Variants in TDRD3 observed in about 807,000 individuals in gnomAD.
TDRD3 encodes the protein tudor domain-containing protein 3.
Under a neutral mutation model 86.7 loss-of-function variants are expected in TDRD3, and 45 were observed. That is an observed-to-expected ratio of 0.52 (90% CI 0.41 to 0.67). The LOEUF is 0.67. Ranked by LOEUF, TDRD3 falls within the 30% of genes least tolerant of loss-of-function variation. TDRD3 has a pLI of 0.00. For missense variants in TDRD3, 814 were observed against 889.0 expected (o/e 0.92, Z 1.07); for synonymous variants, 298 against 301.7 (o/e 0.99, Z 0.13).
intron 13 of TDRD3, among the ~76,000 whole-genome samples, chr13:60,570,657 G>T (rs1958567512): frequency 6.6e-6 from 1 of 152,162 alleles, no homozygotes; most frequent in Non-Finnish European, 1.5e-5. Flanking sequence ...TGCCCTCATT[G>T]CTGGAAGGCA....
rs534680513 is a variant in TDRD3 at position 60,474,090 on chromosome 13, A to T, written c.495+6711A>T. 9.9e-5 allele frequency among the ~76,000 whole-genome samples: 15 copies of T among 152,276 alleles called. No homozygotes were observed. In the East Asian group the frequency reaches 2.7e-3, roughly 28 times the overall value. ...TCCGCTTTCATGTTCCACCCTGTACACCTGGCTCCACCTTTTAGATAGCAG... is the reference window on the plus strand; with the variant it reads ...TCCGCTTTCATGTTCCACCCTGTACTCCTGGCTCCACCTTTTAGATAGCAG... On this transcript the variant is annotated intron_variant, in intron 5 of 13. Coordinates refer to ENST00000377881, the MANE Select transcript of TDRD3 (RefSeq NM_001146070.2).
At chr13:60,524,134 G>C (rs1326787314) in intron 10 of TDRD3, among the ~76,000 whole-genome samples, 2 of 152,114 alleles carry the variant, frequency 1.3e-5, no homozygotes, top group African/African-American at 4.8e-5. Context: ...TCAAAAAGGG[G>C]AGGTGAGAAC....
chr13:60,458,399 G>C (rs1263179721), intron 3 of TDRD3, among the ~76,000 whole-genome samples: 1 of 152,202 alleles, frequency 6.6e-6, no homozygotes, highest in Admixed American at 6.5e-5. Context: ...GCAAACAAGA[G>C]AAGGTGTCAT....
intron 2 of TDRD3, among the ~76,000 whole-genome samples, chr13:60,443,909 A>T (rs552295827): frequency 1.3e-5 from 2 of 151,940 alleles, no homozygotes; most frequent in African/African-American, 4.8e-5. Context: ...GAGTACTGAC[A>T]GTTTTCCTGT....
At chr13:60,449,774 T>C (rs960816806) in intron 3 of TDRD3, among the ~76,000 whole-genome samples, 1 of 152,104 alleles carries the variant, frequency 6.6e-6, no homozygotes, top group Admixed American at 6.5e-5. Flanking sequence ...ATTTATAATT[T>C]AGAAAGTTTT....
At chr13:60,486,027 T>C (rs1005961440) in intron 7 of TDRD3, 79 bp downstream of exon 7, 1 of 1,384,454 alleles carries the variant, frequency 7.2e-7, no homozygotes, top group African/African-American at 1.5e-5. Flanking sequence ...TATTGTCTTT[T>C]CATATAAGCT....
At chr13:60,423,094 A>G (rs1954704402) in intron 1 of TDRD3, among the ~76,000 whole-genome samples, 1 of 152,234 alleles carries the variant, frequency 6.6e-6, no homozygotes, top group Non-Finnish European at 1.5e-5. Context: ...AGTAGCATCA[A>G]GCTTTTCAAA....
chr13:60,522,079 G>GA (rs764732004), intron 10 of TDRD3, among the ~76,000 whole-genome samples: 30 of 151,642 alleles, frequency 2.0e-4, no homozygotes, highest in Non-Finnish European at 3.5e-4. Flanking sequence ...TTTTAATATA[G>GA]AAAAAAATTA....
chr13:60,552,593 GC>G (rs1958090593), intron 12 of TDRD3, among the ~76,000 whole-genome samples: 1 of 152,226 alleles, frequency 6.6e-6, no homozygotes, highest in Non-Finnish European at 1.5e-5. Context: ...ACTAGGCAGT[GC>G]CCCAGTGGGG....
intron 11 of TDRD3, among the ~76,000 whole-genome samples, chr13:60,530,339 G>T (rs1957551837): frequency 6.6e-6 from 1 of 152,134 alleles, no homozygotes; most frequent in Non-Finnish European, 1.5e-5. Context: ...GGATGGTGTG[G>T]GGATGGAGAC....
At chr13:60,438,713 T>C (rs1955179677) in intron 1 of TDRD3, among the ~76,000 whole-genome samples, 1 of 152,156 alleles carries the variant, frequency 6.6e-6, no homozygotes, top group Admixed American at 6.6e-5. Context: ...TTGATAAGTA[T>C]CTTAGAATCA....
In TDRD3 at chr13:60,522,861, C is replaced by T. The variant is rs970634398; in HGVS notation, c.1142-5506C>T. ...ATACAGGTGATAAAATTGAAGGTAA[C>T]ATGTTGTTGGTTACATTCTGTTTTT... is the stretch of plus-strand genomic sequence containing the variant. On this transcript the variant is annotated intron_variant, in intron 10 of 13. Transcript: ENST00000377881. Among the ~76,000 whole-genome samples the T allele has an allele frequency of 4.6e-5, 7 of 152,186 alleles. No homozygotes were observed. In the East Asian group the frequency reaches 1.4e-3, roughly 29 times the overall value.
intron 4 of TDRD3, among the ~76,000 whole-genome samples, chr13:60,466,214 C>T (rs1019925448): frequency 2.0e-5 from 3 of 152,048 alleles, no homozygotes; most frequent in Non-Finnish European, 2.9e-5. Flanking sequence ...CACTATGGCT[C>T]ATATAGATGT....
At chr13:60,416,250 T>C (rs1321139217) in intron 1 of TDRD3, among the ~76,000 whole-genome samples, 1 of 152,206 alleles carries the variant, frequency 6.6e-6, no homozygotes, top group Non-Finnish European at 1.5e-5. Flanking sequence ...GTGGAAGTAC[T>C]CATAATATAG....
At chr13:60,460,351 G>A in intron 3 of TDRD3, 29 bp from the exon 4 acceptor site, 2 of 1,549,918 alleles carry the variant, frequency 1.3e-6, no homozygotes, top group Non-Finnish European at 1.7e-6. Flanking sequence ...TGACTAGAAA[G>A]TGATTTTTAT....
intron 3 of TDRD3, among the ~76,000 whole-genome samples, chr13:60,451,875 T>C (rs563198896): frequency 6.6e-6 from 1 of 152,282 alleles, no homozygotes; most frequent in Admixed American, 6.5e-5. Context: ...TGATTAAGAC[T>C]CTTAAAAATA....
At chr13:60,453,967 A>T (rs975075284) in intron 3 of TDRD3, among the ~76,000 whole-genome samples, 13 of 151,988 alleles carry the variant, frequency 8.6e-5, no homozygotes, top group Middle Eastern at 3.4e-3. Flanking sequence ...TGATTTAACT[A>T]TACTCCTATA....
At chr13:60,441,209 A>G (rs546663810) in intron 2 of TDRD3, among the ~76,000 whole-genome samples, 1 of 152,286 alleles carries the variant, frequency 6.6e-6, no homozygotes, top group Admixed American at 6.5e-5. Flanking sequence ...TAAAAATATT[A>G]TAAAGGACTC....
intron 12 of TDRD3, among the ~76,000 whole-genome samples, chr13:60,553,842 CAG>C (rs1455530038): frequency 2.0e-5 from 3 of 152,072 alleles, no homozygotes; most frequent in African/African-American, 7.2e-5. Context: ...GGTGGGGACA[CAG>C]AGTCAAACTA....
Sources: allele counts gnomAD v4.1 joint callset (sites outside exome capture counted in the v4.1 genomes callset), GRCh38; gene constraint gnomAD v4.1.1; transcripts MANE v1.5; gene names NCBI Gene and HGNC (gene_info 2026-07-23, HGNC 2026-07-21).